The following PLXNC1 variants were observed in gnomAD, a reference collection of about 807,000 sequenced individuals.
PLXNC1 encodes plexin C1, also known as plexin-C1.
A neutral mutation model predicts 178.2 loss-of-function variants in PLXNC1; 75 were observed. The ratio of observed to expected loss-of-function variants is 0.42; its 90% CI spans 0.35 to 0.51. The LOEUF (loss-of-function observed/expected upper bound fraction) is 0.51, where lower values mean the gene tolerates loss of function less well. Among genes scored for constraint, PLXNC1 ranks in the 20% least tolerant of loss-of-function variants. PLXNC1 has a pLI of 0.02. For missense variants in PLXNC1, 1,503 were observed against 1,984.4 expected (o/e 0.76, Z 4.61); for synonymous variants, 790 against 779.9 (o/e 1.01, Z -0.22).
At chr12:94,280,620 T>C (rs1441881903) in intron 22 of PLXNC1, among the ~76,000 whole-genome samples, 2 of 152,212 alleles carry the variant, frequency 1.3e-5, no homozygotes, top group African/African-American at 2.4e-5. Context: ...GTTGAGTCAC[T>C]TGAGGACCAT....
At chr12:94,204,038 C>T (rs1435775423) in intron 4 of PLXNC1, among the ~76,000 whole-genome samples, 5 of 152,216 alleles carry the variant, frequency 3.3e-5, no homozygotes, top group Admixed American at 2.0e-4. Context: ...ATAAGGCCCT[C>T]GCCAGATGCA....
chr12:94,285,112 T>C (rs1002712322), intron 23 of PLXNC1, among the ~76,000 whole-genome samples: 3 of 80,548 alleles, frequency 3.7e-5, no homozygotes, highest in African/African-American at 1.4e-4. Flanking sequence ...GTCAAAGATA[T>C]CAGTTGGGGA....
Position 94,237,771 on chromosome 12 carries a change from C to A in PLXNC1, c.2088C>A (p.Ile696=). 1.2e-6 allele frequency: 2 copies of A among 1,613,888 alleles called. No homozygotes were observed. The highest frequency in any genetic ancestry group is 1.7e-6 in the Non-Finnish European group (2 of 1,179,914). The change falls in exon 10 of 31, where the codon ATC becomes ATA. Residue 696 remains isoleucine (I), a synonymous_variant. Coordinates refer to ENST00000258526, the MANE Select transcript of PLXNC1 (RefSeq NM_005761.3). ...NFTRASNITM[I]LKGTSTCDKD... ...CCCGGGCATCGAACATCACAATGAT[C>A]CTGAAAGGAACCAGTACCTGTGATA... is the stretch of plus-strand genomic sequence containing the variant.
intron 10 of PLXNC1, among the ~76,000 whole-genome samples, 194 bp from the exon 11 acceptor site, chr12:94,240,291 A>G (rs891247135): frequency 5.9e-5 from 9 of 152,210 alleles, no homozygotes; most frequent in African/African-American, 2.2e-4. Context: ...AAAATGTACT[A>G]AAGAAAGAGG....
chr12:94,196,061 G>T (rs1434657259), intron 4 of PLXNC1, among the ~76,000 whole-genome samples: 1 of 152,160 alleles, frequency 6.6e-6, no homozygotes, highest in Admixed American at 6.5e-5. Context: ...TTCCCACCAG[G>T]ACTGTGATTG....
intron 16 of PLXNC1, 103 bp from the exon 17 acceptor site, chr12:94,255,090 T>C (rs1964803392): frequency 9.8e-7 from 1 of 1,022,654 alleles, no homozygotes; most frequent in Non-Finnish European, 1.5e-6. Flanking sequence ...TTGTTTCTTC[T>C]TTAATGAAAA....
chr12:94,192,981 T>C (rs142798595), intron 4 of PLXNC1, among the ~76,000 whole-genome samples: 195 of 152,134 alleles, frequency 1.3e-3, no homozygotes, highest in African/African-American at 4.3e-3. Context: ...GCACATAAAA[T>C]TATCTAACCC....
rs1257982593 is a variant in PLXNC1 at position 94,149,824 on chromosome 12, C to T, written c.853C>T (p.His285Tyr). Residue 285 changes from histidine (H) to tyrosine (Y), a missense_variant, in exon 1 of 31, where the codon CAC (histidine) becomes TAC (tyrosine). By Grantham distance (83) the His-to-Tyr change is moderately conservative. Coordinates refer to ENST00000258526, the MANE Select transcript of PLXNC1 (RefSeq NM_005761.3). ...FQGQASLDCGHGHPDGRRLLL... is the reference protein window; with the variant it reads ...FQGQASLDCGYGHPDGRRLLL... ...GGGCCAGGCATCCCTCGACTGCGGC[C>T]ACGGCCACCCCGACGGCCGCCGCCT... 1.9e-6 allele frequency: 3 copies of T among 1,598,492 alleles called. No homozygotes were observed. Among genetic ancestry groups the T allele is most frequent in the Non-Finnish European group, 2.6e-6 (3 of 1,173,934 alleles).
intron 3 of PLXNC1, among the ~76,000 whole-genome samples, chr12:94,182,072 AT>A (rs1244905161): frequency 1.3e-5 from 2 of 152,184 alleles, no homozygotes; most frequent in African/African-American, 4.8e-5. Context: ...GCTTACTGAA[AT>A]AAAAGTAATA....
At chr12:94,206,166 T>G (rs7135586) in intron 4 of PLXNC1, among the ~76,000 whole-genome samples, 130,848 of 152,174 alleles carry the variant, frequency 0.86, 56,268 homozygotes, top group East Asian at 0.97. Context: ...CCACTGTATA[T>G]AAAGACTTTC....
chr12:94,274,562 T>C (rs1034938040), intron 21 of PLXNC1, among the ~76,000 whole-genome samples: 3 of 152,068 alleles, frequency 2.0e-5, no homozygotes, highest in Non-Finnish European at 4.4e-5. Flanking sequence ...GCCAAGGAAA[T>C]AGGAAGAGGC....
intron 12 of PLXNC1, among the ~76,000 whole-genome samples, chr12:94,247,147 C>T (rs1338359208): frequency 3.3e-5 from 5 of 152,060 alleles, no homozygotes; most frequent in Non-Finnish European, 5.9e-5. Context: ...CCCGGGCTCA[C>T]GTAACCCTCC....
chr12:94,303,620 G>A (rs76993695), intron 28 of PLXNC1, 136 bp from the exon 29 acceptor site: 4 of 664,914 alleles, frequency 6.0e-6, no homozygotes, highest in Non-Finnish European at 7.1e-6. Context: ...ACTGCATGAA[G>A]CCTTGTTAGC....
Position 94,148,893 on chromosome 12 carries a change from C to T in PLXNC1, c.-79C>T. On this transcript the variant is annotated 5_prime_UTR_variant, in exon 1 of 31. Coordinates refer to ENST00000258526, the MANE Select transcript of PLXNC1 (RefSeq NM_005761.3). The surrounding 1 kb of genome is among the most constrained non-coding windows in gnomAD (Gnocchi z 4.8). ...GCGCGCGCAGGAACCGCCGCCGCCG[C>T]CGCCCGCGTCTCCGTTGCCGCGCGC... The T allele has an allele frequency of 3.0e-6, 1 of 338,070 alleles. No homozygotes were observed. The highest frequency in any genetic ancestry group is 4.2e-6 in the Non-Finnish European group (1 of 235,668). The allele number at this position is 338,070 out of a possible 1,614,324, so 20.9% of individuals were successfully genotyped here.
At chr12:94,213,387 AT>A (rs1963550167) in intron 5 of PLXNC1, among the ~76,000 whole-genome samples, 1 of 152,092 alleles carries the variant, frequency 6.6e-6, no homozygotes, top group South Asian at 2.1e-4. Flanking sequence ...TTTGATTTGC[AT>A]TTCTTTAATG....
chr12:94,191,036 C>T (rs1288966092), intron 4 of PLXNC1, among the ~76,000 whole-genome samples: 1 of 152,270 alleles, frequency 6.6e-6, no homozygotes, highest in African/African-American at 2.4e-5. Context: ...TTCTCTACCT[C>T]TCTTTATTGA....
At chr12:94,302,864 T>C (rs574474026) in intron 28 of PLXNC1, among the ~76,000 whole-genome samples, 3 of 152,336 alleles carry the variant, frequency 2.0e-5, no homozygotes, top group Admixed American at 2.0e-4. Flanking sequence ...TCTCAATGCC[T>C]GCTCCAGTGC....
intron 4 of PLXNC1, among the ~76,000 whole-genome samples, chr12:94,209,375 G>A (rs985714174): frequency 1.3e-5 from 2 of 150,888 alleles, no homozygotes; most frequent in African/African-American, 5.0e-5. Context: ...TTTGCTCCTA[G>A]ACATGATGGA....
chr12:94,149,062 C>A lies in PLXNC1; in HGVS notation c.91C>A (p.Pro31Thr). 6.4e-7 allele frequency: 1 copy of A among 1,550,522 alleles called. No homozygotes were observed. The highest frequency in any genetic ancestry group is 8.6e-7 in the Non-Finnish European group (1 of 1,156,970). Reference protein sequence around the residue: ...LLAYLLALAAPGRGADEPVWR... With the variant: ...LLAYLLALAATGRGADEPVWR... ...CGCCTATCTGCTGGCACTGGCGGCT[C>A]CCGGCCGGGGCGCGGACGAGCCCGT... The change falls in exon 1 of 31, where the codon CCC becomes ACC. Residue 31 changes from proline (P) to threonine (T), a missense_variant. Physicochemically the swap from Pro to Thr is conservative, Grantham distance 38 (BLOSUM62 -1). This residue lies in a region of PLXNC1 where 176 missense variants were observed against 180.7 expected (regional missense o/e 0.97). Coordinates refer to ENST00000258526, the MANE Select transcript of PLXNC1 (RefSeq NM_005761.3).
Sources: allele counts gnomAD v4.1 joint callset (sites outside exome capture counted in the v4.1 genomes callset), GRCh38; gene constraint gnomAD v4.1.1; regional missense constraint gnomAD v4.1.1; non-coding constraint Gnocchi (gnomAD v3.1); transcripts MANE v1.5; gene names NCBI Gene and HGNC (gene_info 2026-07-23, HGNC 2026-07-21).